Variants in DLC1 observed in about 807,000 individuals in gnomAD.
The protein encoded by DLC1 is DLC1 Rho GTPase activating protein.
A neutral mutation model predicts 140.3 loss-of-function variants in DLC1; 54 were observed. The observed-to-expected ratio is 0.38, with a 90% confidence interval of 0.31 to 0.48. The LOEUF (loss-of-function observed/expected upper bound fraction) is 0.48. Ranked by LOEUF, DLC1 falls within the 20% of genes least tolerant of loss-of-function variation. DLC1 has a pLI of 0.96. For synonymous variants in DLC1, 986 were observed against 728.1 expected, an observed-to-expected ratio of 1.35 and a Z score of -5.70; for missense variants, 2,536 against 1,907.0, an observed-to-expected ratio of 1.33 and a Z score of -6.14.
chr8:13,217,606 G>C (rs1162806892), intron 5 of DLC1, among the ~76,000 whole-genome samples: 1 of 152,012 alleles, frequency 6.6e-6, no homozygotes, highest in African/African-American at 2.4e-5. Context: ...AGGCTGAGGA[G>C]GGCGGATTAT....
chr8:13,474,757 G>T (rs1240180375), intron 2 of DLC1, among the ~76,000 whole-genome samples: 1 of 152,192 alleles, frequency 6.6e-6, no homozygotes, highest in Non-Finnish European at 1.5e-5. Flanking sequence ...TGCTCCATTG[G>T]ATTTCGGACT....
At chr8:13,105,778 C>G (rs1819516162) in intron 7 of DLC1, among the ~76,000 whole-genome samples, 2 of 152,000 alleles carry the variant, frequency 1.3e-5, no homozygotes, top group Non-Finnish European at 2.9e-5. Context: ...GGGGGTTTGC[C>G]ATGTTGCCCG....
At chr8:13,133,470 G>A in intron 5 of DLC1, 4 of 241,380 alleles carry the variant, frequency 1.7e-5, no homozygotes, top group Non-Finnish European at 2.5e-5. Context: ...CGTGGCCGCA[G>A]CCTCAGGCCG....
chr8:13,455,279 A>T (rs150958494), intron 2 of DLC1, among the ~76,000 whole-genome samples: 1 of 152,208 alleles, frequency 6.6e-6, no homozygotes, highest in African/African-American at 2.4e-5. Flanking sequence ...ATTGCACACA[A>T]TTGCCTACAC....
chr8:13,170,457 G>A (rs113864272), intron 5 of DLC1, among the ~76,000 whole-genome samples: 17 of 152,266 alleles, frequency 1.1e-4, no homozygotes, highest in Admixed American at 9.1e-4. Context: ...CGGGCCGGGC[G>A]CGGTGGCTCA....
At chr8:13,362,308 GGGACATC>G (rs1333280987) in intron 4 of DLC1, among the ~76,000 whole-genome samples, 16 of 152,264 alleles carry the variant, frequency 1.1e-4, no homozygotes, top group African/African-American at 3.8e-4. Flanking sequence ...CAGTGTTTTG[GGGACATC>G]ATAGAGTCTG....
chr8:13,314,701 A>C (rs188012396), intron 4 of DLC1, among the ~76,000 whole-genome samples: 45 of 152,342 alleles, frequency 3.0e-4, no homozygotes, highest in Non-Finnish European at 2.9e-5. Flanking sequence ...GAAGCTCAAA[A>C]CATAAACCAT....
At chr8:13,288,034 G>A (rs1831597919) in intron 5 of DLC1, among the ~76,000 whole-genome samples, 1 of 152,014 alleles carries the variant, frequency 6.6e-6, no homozygotes, top group Non-Finnish European at 1.5e-5. Flanking sequence ...GTATTATCAT[G>A]AGCAATGGTT....
chr8:13,257,474 T>C (rs1052322430), intron 5 of DLC1, among the ~76,000 whole-genome samples: 1 of 149,936 alleles, frequency 6.7e-6, no homozygotes, highest in Non-Finnish European at 1.5e-5. Flanking sequence ...AATTCTGACA[T>C]GTGCATTGAA....
Position 13,405,081 on chromosome 8 carries a change from G to A in DLC1, c.1024-3462C>T, listed in dbSNP as rs777591978. Among the ~76,000 whole-genome samples, 148 of 151,318 alleles carry A rather than the reference G, an allele frequency of 9.8e-4. 1 individual carries two copies. The highest frequency in any genetic ancestry group is 1.4e-3 in the Non-Finnish European group (98 of 67,846). On this transcript the variant is annotated intron_variant, in intron 2 of 17. Transcript: ENST00000276297. ...TTTAGTAGTGGTTCCTTTTGCTCTCGTCCTTGCTCTATTTATTATTTATGT... is the reference window on the plus strand; with the variant it reads ...TTTAGTAGTGGTTCCTTTTGCTCTCATCCTTGCTCTATTTATTATTTATGT...
intron 4 of DLC1, among the ~76,000 whole-genome samples, chr8:13,371,698 G>T (rs967875589): frequency 6.6e-6 from 1 of 151,846 alleles, no homozygotes; most frequent in African/African-American, 2.4e-5. Flanking sequence ...AACACCTTCA[G>T]CTAATTCCCT....
intron 3 of DLC1, among the ~76,000 whole-genome samples, chr8:13,398,186 A>G (rs11781477): frequency 0.05 from 7,624 of 152,206 alleles, 237 homozygotes; most frequent in Non-Finnish European, 0.059. Context: ...AAATCAAGAA[A>G]GAAATTAAGA....
chr8:13,325,721 G>A (rs1833314268), intron 4 of DLC1, among the ~76,000 whole-genome samples: 1 of 152,182 alleles, frequency 6.6e-6, no homozygotes, highest in South Asian at 2.1e-4. Flanking sequence ...ATTAAGTTCA[G>A]GAGAGAATAT....
chr8:13,547,689 A>G (rs189475221), intron 1 of DLC1, among the ~76,000 whole-genome samples: 247 of 152,164 alleles, frequency 1.6e-3, no homozygotes, highest in African/African-American at 5.6e-3. Context: ...TTATCTAGCT[A>G]TTTGTTAGCT....
chr8:13,129,962 A>C (rs1821939629), intron 5 of DLC1, among the ~76,000 whole-genome samples: 1 of 152,112 alleles, frequency 6.6e-6, no homozygotes, highest in African/African-American at 2.4e-5. Context: ...GCTAGGAAGG[A>C]GAGTGAAGCA....
chr8:13,432,244 A>G (rs1039965680), intron 2 of DLC1, among the ~76,000 whole-genome samples: 1 of 152,158 alleles, frequency 6.6e-6, no homozygotes. Flanking sequence ...TTCAGAACAG[A>G]TATTTATTGC....
chr8:13,348,072 G>A (rs987782241), intron 4 of DLC1, among the ~76,000 whole-genome samples: 3 of 145,260 alleles, frequency 2.1e-5, no homozygotes, highest in African/African-American at 7.6e-5. Flanking sequence ...CTGGGCGACA[G>A]AGCAAGACTC....
At chr8:13,476,052 C>A (rs143779351) in intron 2 of DLC1, among the ~76,000 whole-genome samples, 2 of 152,206 alleles carry the variant, frequency 1.3e-5, no homozygotes, top group African/African-American at 4.8e-5. Flanking sequence ...TAGGTTGCCT[C>A]GTGAAGCAGA....
At chr8:13,316,581 G>A (rs148486457) in intron 4 of DLC1, among the ~76,000 whole-genome samples, 12 of 152,204 alleles carry the variant, frequency 7.9e-5, no homozygotes, top group East Asian at 5.8e-4. Flanking sequence ...ATGGCAAGCC[G>A]TAGAAGGAGA....
Sources: allele counts gnomAD v4.1 joint callset (sites outside exome capture counted in the v4.1 genomes callset), GRCh38; gene constraint gnomAD v4.1.1; transcripts MANE v1.5; gene names NCBI Gene and HGNC (gene_info 2026-07-23, HGNC 2026-07-21).